The following TMEM108 variants were observed in gnomAD, a reference collection of about 807,000 sequenced individuals.
TMEM108 encodes the protein transmembrane protein 108.
TMEM108 carries 12 observed loss-of-function variants against 35.1 expected under a neutral mutation model. The observed-to-expected ratio is 0.34, with a 90% CI of 0.22 to 0.55. The LOEUF is 0.55. Ranked by LOEUF, TMEM108 falls within the 20% of genes least tolerant of loss-of-function variation. The pLI is 0.89. For missense variants in TMEM108, 680 were observed against 753.3 expected (o/e 0.90, Z 1.14); for synonymous variants, 287 against 308.6 (o/e 0.93, Z 0.73).
At chr3:133,221,008 G>A (rs1945982420) in intron 2 of TMEM108, among the ~76,000 whole-genome samples, 1 of 152,196 alleles carries the variant, frequency 6.6e-6, no homozygotes, top group Non-Finnish European at 1.5e-5. Context: ...GTAAAGTCTA[G>A]AACAGTCCCA....
At chr3:133,389,548 G>A (rs1374051074) in intron 4 of TMEM108, 9 of 239,622 alleles carry the variant, frequency 3.8e-5, no homozygotes, top group Non-Finnish European at 6.1e-5. Context: ...GCCAGACATG[G>A]TGGCAGGCAC....
intron 2 of TMEM108, among the ~76,000 whole-genome samples, chr3:133,165,370 C>T (rs575962315): frequency 2.6e-5 from 4 of 152,016 alleles, no homozygotes; most frequent in Admixed American, 6.6e-5. Flanking sequence ...TTAAATGCAC[C>T]ACACATTGGA....
At chr3:133,394,036 T>G (rs1286481428) in intron 5 of TMEM108, among the ~76,000 whole-genome samples, 2 of 152,184 alleles carry the variant, frequency 1.3e-5, no homozygotes, top group African/African-American at 4.8e-5. Flanking sequence ...GCCGTTCCTC[T>G]TGTTCTGCTT....
intron 3 of TMEM108, among the ~76,000 whole-genome samples, chr3:133,336,042 T>C (rs1169071788): frequency 6.6e-6 from 1 of 152,086 alleles, no homozygotes; most frequent in Non-Finnish European, 1.5e-5. Flanking sequence ...GAATTGCCCA[T>C]CCCAGTAGTT....
intron 3 of TMEM108, among the ~76,000 whole-genome samples, chr3:133,306,476 C>T (rs1360424897): frequency 6.6e-6 from 1 of 152,140 alleles, no homozygotes; most frequent in Non-Finnish European, 1.5e-5. Context: ...ATTAACTTGT[C>T]ATTTACATTA....
intron 2 of TMEM108, among the ~76,000 whole-genome samples, chr3:133,175,144 C>T (rs573762784): frequency 1.5e-4 from 23 of 152,156 alleles, no homozygotes; most frequent in African/African-American, 2.4e-4. Flanking sequence ...TAAAAAGAAA[C>T]GAACAAAGCC....
At chr3:133,225,268 G>C (rs530286747) in intron 2 of TMEM108, among the ~76,000 whole-genome samples, 77 of 151,992 alleles carry the variant, frequency 5.1e-4, no homozygotes, top group African/African-American at 1.8e-3. Flanking sequence ...GGATGGTCTC[G>C]ATCTCCTGAC....
chr3:133,064,911 A>G (rs1176694784), intron 2 of TMEM108, among the ~76,000 whole-genome samples: 1 of 152,168 alleles, frequency 6.6e-6, no homozygotes, highest in Non-Finnish European at 1.5e-5. Context: ...TTTTCCAACC[A>G]GAACTTTACA....
intron 3 of TMEM108, among the ~76,000 whole-genome samples, chr3:133,232,670 C>A (rs1015449164): frequency 3.9e-5 from 6 of 152,212 alleles, no homozygotes; most frequent in Admixed American, 1.3e-4. Flanking sequence ...CTAAGGGATG[C>A]AGTCTTTGGC....
At chr3:133,045,532 A>C (rs1943328937) in intron 1 of TMEM108, among the ~76,000 whole-genome samples, 1 of 152,212 alleles carries the variant, frequency 6.6e-6, no homozygotes, top group Non-Finnish European at 1.5e-5. Context: ...ATGTGATGGA[A>C]GTGGAAAAGT....
intron 2 of TMEM108, among the ~76,000 whole-genome samples, chr3:133,108,230 T>TA (rs962322958): frequency 1.5e-4 from 23 of 149,150 alleles, no homozygotes; most frequent in Admixed American, 1.1e-3. Context: ...CACTTCATCT[T>TA]AAAAAAAAAA....
Position 133,395,848 on chromosome 3 carries a change from C to T in TMEM108, c.1606-16C>T. 1 of 1,568,602 alleles carries T rather than the reference C, an allele frequency of 6.4e-7. No individual in the cohort carries two copies. Among genetic ancestry groups the T allele is most frequent in the Non-Finnish European group, 8.6e-7 (1 of 1,159,256 alleles). On this transcript the variant is annotated splice_polypyrimidine_tract_variant and intron_variant, in intron 5 of 5. Coordinates refer to ENST00000321871, the MANE Select transcript of TMEM108 (RefSeq NM_023943.4). ...CCTTCTCCAGCTCACTCCATCTCCT[C>T]CCTCTCTCTTCCCAGGACCAGCTCT...
At chr3:133,261,709 A>C (rs1176558933) in intron 3 of TMEM108, among the ~76,000 whole-genome samples, 1 of 152,248 alleles carries the variant, frequency 6.6e-6, no homozygotes, top group African/African-American at 2.4e-5. Context: ...AAGCCCAAAC[A>C]TTTTAATGAA....
intron 2 of TMEM108, among the ~76,000 whole-genome samples, chr3:133,116,136 A>G (rs961182195): frequency 6.6e-6 from 1 of 152,176 alleles, no homozygotes; most frequent in Non-Finnish European, 1.5e-5. Context: ...TTCATCTTCA[A>G]CATCATCTCA....
chr3:133,052,663 G>T (rs1007681607), intron 2 of TMEM108, among the ~76,000 whole-genome samples: 3 of 151,228 alleles, frequency 2.0e-5, no homozygotes, highest in Admixed American at 6.6e-5. Flanking sequence ...TTTTTAAAAT[G>T]TTCTTTTCCT....
chr3:133,058,792 T>C (rs1943503723), intron 2 of TMEM108, among the ~76,000 whole-genome samples: 1 of 152,260 alleles, frequency 6.6e-6, no homozygotes, highest in African/African-American at 2.4e-5. Flanking sequence ...AGGAGGCCTC[T>C]ACAGGCATGG....
intron 3 of TMEM108, among the ~76,000 whole-genome samples, chr3:133,262,502 T>C (rs1946638915): frequency 6.6e-6 from 1 of 152,192 alleles, no homozygotes; most frequent in African/African-American, 2.4e-5. Context: ...CATAGTGATG[T>C]AGAAAGATTG....
chr3:133,149,296 A>G (rs145428385), intron 2 of TMEM108, among the ~76,000 whole-genome samples: 1 of 152,246 alleles, frequency 6.6e-6, no homozygotes, highest in South Asian at 2.1e-4. Context: ...ATGTGAATAC[A>G]TTGTGAAGTG....
chr3:133,241,357 T>G (rs1946310008), intron 3 of TMEM108, among the ~76,000 whole-genome samples: 3 of 152,362 alleles, frequency 2.0e-5, no homozygotes, highest in Admixed American at 2.0e-4. Context: ...CTTTGGGTCA[T>G]TTGCATCACC....
Sources: allele counts gnomAD v4.1 joint callset (sites outside exome capture counted in the v4.1 genomes callset), GRCh38; gene constraint gnomAD v4.1.1; transcripts MANE v1.5; gene names NCBI Gene and HGNC (gene_info 2026-07-23, HGNC 2026-07-21).